Variants in ELAVL2 observed in about 807,000 individuals in gnomAD.
ELAVL2 encodes the protein ELAV-like protein 2.
A neutral mutation model predicts 34.6 loss-of-function variants in ELAVL2; 4 were observed. That is an observed-to-expected ratio of 0.12 (90% CI 0.06 to 0.26). The LOEUF (loss-of-function observed/expected upper bound fraction) is 0.26. Ranked by LOEUF, ELAVL2 falls within the 10% of genes least tolerant of loss-of-function variation. The pLI, the probability that ELAVL2 is intolerant of heterozygous loss-of-function variation, is 1.00. For synonymous variants in ELAVL2, 193 were observed against 154.8 expected (o/e 1.25, Z -1.83); for missense variants, 432 against 442.8 (o/e 0.98, Z 0.22).
intron 3 of ELAVL2, among the ~76,000 whole-genome samples, chr9:23,713,424 C>T (rs765105331): frequency 3.3e-5 from 5 of 152,118 alleles, no homozygotes; most frequent in African/African-American, 1.2e-4. Context: ...AGGAACTTGT[C>T]AATCAAAATG....
chr9:23,736,053 T>C (rs2047813344), intron 2 of ELAVL2, among the ~76,000 whole-genome samples: 1 of 152,198 alleles, frequency 6.6e-6, no homozygotes, highest in Non-Finnish European at 1.5e-5. Flanking sequence ...CATATTTTAA[T>C]TAAAAATACA....
At chr9:23,797,665 C>T (rs1246949357) in intron 1 of ELAVL2, among the ~76,000 whole-genome samples, 1 of 152,130 alleles carries the variant, frequency 6.6e-6, no homozygotes, top group South Asian at 2.1e-4. Flanking sequence ...TGGTGGCTTA[C>T]GCCTGTAATC....
chr9:23,781,483 T>C (rs944562894), intron 1 of ELAVL2, among the ~76,000 whole-genome samples: 1 of 151,722 alleles, frequency 6.6e-6, no homozygotes, highest in Non-Finnish European at 1.5e-5. Flanking sequence ...TACAGCAGAA[T>C]AGCATATTTA....
intron 1 of ELAVL2, among the ~76,000 whole-genome samples, chr9:23,793,458 T>C (rs2137307858): frequency 6.6e-6 from 1 of 152,328 alleles, no homozygotes; most frequent in South Asian, 2.1e-4. Context: ...ATAGATTTGA[T>C]CTGAGCTCAA....
chr9:23,741,282 AC>A (rs1327782531), intron 2 of ELAVL2, among the ~76,000 whole-genome samples: 14 of 151,678 alleles, frequency 9.2e-5, no homozygotes, highest in Non-Finnish European at 2.9e-5. Context: ...AAGCAAACCG[AC>A]CCCCCATCCT....
chr9:23,753,776 C>T (rs2052773636), intron 2 of ELAVL2, among the ~76,000 whole-genome samples: 1 of 152,076 alleles, frequency 6.6e-6, no homozygotes. Flanking sequence ...CAAAGACTAC[C>T]CCCCAGAAAA....
intron 3 of ELAVL2, among the ~76,000 whole-genome samples, chr9:23,728,184 T>G (rs1394110990): frequency 1.3e-5 from 2 of 151,642 alleles, no homozygotes; most frequent in Admixed American, 1.3e-4. Flanking sequence ...TACATATGGG[T>G]CCCCCTGTAA....
chr9:23,705,121 C>T (rs577063937), intron 3 of ELAVL2, 50 bp from the exon 4 acceptor site: 6 of 1,603,444 alleles, frequency 3.7e-6, no homozygotes, highest in African/African-American at 1.3e-5. Context: ...ACTCACCCAC[C>T]TCCCTTTAGA....
At chr9:23,828,417 G>A (rs1455958939), upstream of ELAVL2, among the ~76,000 whole-genome samples, 4 of 151,914 alleles carry the variant, frequency 2.6e-5, no homozygotes, top group South Asian at 2.1e-4. Flanking sequence ...TTTTTTTGGT[G>A]CATGTTTATA....
At chr9:23,820,481 G>C (rs1051988531) in intron 1 of ELAVL2, among the ~76,000 whole-genome samples, 2 of 152,206 alleles carry the variant, frequency 1.3e-5, no homozygotes, top group African/African-American at 4.8e-5. Flanking sequence ...GATAGGACTT[G>C]AAAATCTTTG....
intron 5 of ELAVL2, among the ~76,000 whole-genome samples, chr9:23,700,264 G>A (rs2036728064): frequency 6.6e-6 from 1 of 152,090 alleles, no homozygotes; most frequent in Non-Finnish European, 1.5e-5. Flanking sequence ...TGGGTATAGT[G>A]TACCATATGG....
intron 1 of ELAVL2, among the ~76,000 whole-genome samples, chr9:23,811,726 A>C (rs1307402234): frequency 6.6e-6 from 1 of 152,174 alleles, no homozygotes; most frequent in East Asian, 1.9e-4. Context: ...TGTAGTTTGA[A>C]ACACAACGTG....
intron 3 of ELAVL2, among the ~76,000 whole-genome samples, chr9:23,712,664 T>G (rs2041288959): frequency 6.6e-6 from 1 of 152,142 alleles, no homozygotes; most frequent in Non-Finnish European, 1.5e-5. Context: ...TTTATAAGAT[T>G]ACAAACCAAT....
intron 2 of ELAVL2, among the ~76,000 whole-genome samples, chr9:23,747,091 T>C (rs2050691706): frequency 1.3e-5 from 2 of 151,718 alleles, no homozygotes; most frequent in African/African-American, 2.4e-5. Context: ...ACCTTATCCT[T>C]GGGGGTTACA....
the ELAVL2 span, among the ~76,000 whole-genome samples, chr9:23,837,035 T>C: frequency 6.6e-6 from 1 of 152,144 alleles, no homozygotes; most frequent in Non-Finnish European, 1.5e-5. Flanking sequence ...GACTATAATA[T>C]ATATGAGGAC....
rs559827484 is a variant in ELAVL2, at chr9:23,704,899, G to A, written c.487+19C>T. On this transcript the variant is annotated intron_variant, in intron 4 of 6. Coordinates refer to ENST00000397312, the MANE Select transcript of ELAVL2 (RefSeq NM_004432.5). ...AGTCAGAGACAGGGAAAGACTGTCC[G>A]GAGTGGCTGTCTACTTACCAGTGAC... is the stretch of plus-strand genomic sequence containing the variant. The A allele has an allele frequency of 8.1e-6, 13 of 1,613,414 alleles. No individual in the cohort carries two copies. Among genetic ancestry groups the A allele is most frequent in the South Asian group, 3.3e-5 (3 of 91,020 alleles).
chr9:23,720,788 A>C (rs764044811), intron 3 of ELAVL2, among the ~76,000 whole-genome samples: 1 of 152,224 alleles, frequency 6.6e-6, no homozygotes, highest in South Asian at 2.1e-4. Context: ...CAAATCATTA[A>C]GATCCACTGA....
chr9:23,775,391 T>A (rs2058026215), intron 1 of ELAVL2, among the ~76,000 whole-genome samples: 2 of 152,198 alleles, frequency 1.3e-5, no homozygotes, highest in South Asian at 4.1e-4. Context: ...TTATGCACTA[T>A]AAGCTATATT....
At chr9:23,801,229 C>G (rs2061528645) in intron 1 of ELAVL2, among the ~76,000 whole-genome samples, 1 of 152,142 alleles carries the variant, frequency 6.6e-6, no homozygotes, top group South Asian at 2.1e-4. Flanking sequence ...AAAAACATTA[C>G]TGGAAATAGG....
Sources: allele counts gnomAD v4.1 joint callset (sites outside exome capture counted in the v4.1 genomes callset), GRCh38; gene constraint gnomAD v4.1.1; transcripts MANE v1.5; gene names NCBI Gene and HGNC (gene_info 2026-07-23, HGNC 2026-07-21).